The following DLGAP2 variants were observed in gnomAD, a reference collection of about 807,000 sequenced individuals.
The protein encoded by DLGAP2 is disks large-associated protein 2.
DLGAP2 carries 26 observed loss-of-function variants against 100.3 expected under a neutral mutation model. The ratio of observed to expected loss-of-function variants is 0.26; its 90% CI spans 0.19 to 0.36. DLGAP2 has a LOEUF of 0.36. DLGAP2 is among the 10% of genes least tolerant of loss of function. DLGAP2 has a pLI of 1.00. For synonymous variants in DLGAP2, 886 were observed against 630.1 expected (o/e 1.41, Z -6.08); for missense variants, 1,858 against 1,453.2 (o/e 1.28, Z -4.53).
chr8:1,276,219 G>T (rs971713302), intron 3 of DLGAP2, among the ~76,000 whole-genome samples: 9 of 149,512 alleles, frequency 6.0e-5, no homozygotes, highest in African/African-American at 2.2e-4. Flanking sequence ...CTCCCCCCCC[G>T]ACCCTAGCTC....
chr8:1,178,401 C>G (rs1203961440), intron 2 of DLGAP2, among the ~76,000 whole-genome samples: 3 of 152,206 alleles, frequency 2.0e-5, no homozygotes, highest in African/African-American at 7.2e-5. Context: ...CTAAGGCTTC[C>G]TTAATGGATT....
intron 2 of DLGAP2, among the ~76,000 whole-genome samples, chr8:1,200,634 G>A (rs1315162409): frequency 1.3e-5 from 2 of 152,182 alleles, no homozygotes; most frequent in African/African-American, 4.8e-5. Flanking sequence ...GCGCTGGACG[G>A]CAAACTGCAG....
At position 780,044 on chromosome 8, in the gene DLGAP2, A is replaced by C. The variant is rs141654672; in HGVS notation, c.18+42219A>C. 2.7e-3 allele frequency among the ~76,000 whole-genome samples: 410 copies of C among 152,264 alleles called. 3 individuals are homozygous for C. The highest frequency in any genetic ancestry group is 4.7e-3 in the Non-Finnish European group (320 of 68,014). ...AAAATTCTATTCTAGAGATTTTGAA[A>C]TGTTTGAATTATTATTAGCTGTGTT... On this transcript the variant is annotated intron_variant, in intron 1 of 14. Coordinates refer to ENST00000637795, the MANE Select transcript of DLGAP2 (RefSeq NM_001346810.2).
At chr8:1,042,322 G>A (rs1019101132) in intron 2 of DLGAP2, among the ~76,000 whole-genome samples, 8 of 152,190 alleles carry the variant, frequency 5.3e-5, no homozygotes, top group Non-Finnish European at 8.8e-5. Context: ...AATCAACAAC[G>A]TGCCTAGTAC....
chr8:1,702,306 T>G lies in DLGAP2; in HGVS notation c.*900T>G, dbSNP rs1257932332. ...TACGCTACATGTGATTTTTTTAATG[T>G]ATGTATATATATATATTCTCAAATT... On this transcript the variant is annotated 3_prime_UTR_variant, in exon 15 of 15. Coordinates refer to ENST00000637795, the MANE Select transcript of DLGAP2 (RefSeq NM_001346810.2). The G allele has an allele frequency of 6.6e-6, 1 of 152,184 alleles. No homozygotes were observed. Among genetic ancestry groups the G allele is most frequent in the Admixed American group, 6.6e-5 (1 of 15,260 alleles). The allele number at this position is 152,184 out of a possible 1,614,324, so 9.4% of individuals were successfully genotyped here.
chr8:1,673,220 C>T (rs938236317), intron 10 of DLGAP2, among the ~76,000 whole-genome samples: 1 of 152,196 alleles, frequency 6.6e-6, no homozygotes, highest in African/African-American at 2.4e-5. Flanking sequence ...GATCCTACCC[C>T]CTCAGCCTTG....
chr8:1,526,862 C>T (rs1563202147), intron 4 of DLGAP2, among the ~76,000 whole-genome samples: 1 of 152,186 alleles, frequency 6.6e-6, no homozygotes, highest in Admixed American at 6.5e-5. Context: ...CTGGGCAGCC[C>T]TCCTGCAGCA....
At chr8:756,271 G>T (rs76667227) in intron 1 of DLGAP2, among the ~76,000 whole-genome samples, 327 of 152,170 alleles carry the variant, frequency 2.1e-3, no homozygotes, top group Non-Finnish European at 4.0e-3. Context: ...TTTAGCAAGT[G>T]GGCCAGGCAT....
intron 3 of DLGAP2, among the ~76,000 whole-genome samples, chr8:1,460,734 C>G (rs549691603): frequency 3.9e-5 from 6 of 152,288 alleles, no homozygotes; most frequent in Admixed American, 3.3e-4. Flanking sequence ...GGCACAGTCT[C>G]TTTGGAGACT....
intron 1 of DLGAP2, among the ~76,000 whole-genome samples, chr8:894,416 G>C (rs989715674): frequency 6.6e-6 from 1 of 152,060 alleles, no homozygotes; most frequent in Admixed American, 6.5e-5. Context: ...AGAGAATGTG[G>C]CATGTACACA....
intron 2 of DLGAP2, among the ~76,000 whole-genome samples, chr8:1,240,399 C>T (rs1349976811): frequency 6.8e-6 from 1 of 147,650 alleles, no homozygotes; most frequent in Non-Finnish European, 1.5e-5. Flanking sequence ...TCACATGGCA[C>T]CATGTCTAGT....
chr8:1,041,157 C>T (rs1026199295), intron 2 of DLGAP2, among the ~76,000 whole-genome samples: 3 of 152,126 alleles, frequency 2.0e-5, no homozygotes, highest in African/African-American at 7.2e-5. Flanking sequence ...TAAATATAAT[C>T]TGTAATAGCA....
intron 1 of DLGAP2, among the ~76,000 whole-genome samples, chr8:888,909 A>G (rs1184160028): frequency 6.6e-6 from 1 of 152,142 alleles, no homozygotes; most frequent in Non-Finnish European, 1.5e-5. Flanking sequence ...ACCACCAAAC[A>G]GGTTTTGTGT....
chr8:1,440,565 G>T (rs1797800989), intron 3 of DLGAP2, among the ~76,000 whole-genome samples: 1 of 152,216 alleles, frequency 6.6e-6, no homozygotes, highest in Admixed American at 6.5e-5. Context: ...CATTTGCTAT[G>T]ACACAAATCT....
intron 6 of DLGAP2, among the ~76,000 whole-genome samples, chr8:1,626,183 A>G (rs146006736): frequency 0.019 from 956 of 50,952 alleles, 77 homozygotes; most frequent in African/African-American, 0.11. Context: ...TCCCATCTCT[A>G]CCCTGTGGCG....
At chr8:1,651,473 T>C (rs1798162136) in intron 8 of DLGAP2, among the ~76,000 whole-genome samples, 1 of 152,204 alleles carries the variant, frequency 6.6e-6, no homozygotes, top group South Asian at 2.1e-4. Context: ...TGGAAGTTCC[T>C]GGCATACAAC....
Position 1,151,257 on chromosome 8 carries a change from A to G in DLGAP2, c.74-107594A>G, listed in dbSNP as rs1483790560. On this transcript the variant is annotated intron_variant, in intron 2 of 14. Transcript: ENST00000637795. ...AACTGACAAAAGATAGATTCATAGG[A>G]GAAAAGTCATACACATTTTGCTTGA... Among the ~76,000 whole-genome samples, 5 of 152,328 alleles carry G rather than the reference A, an allele frequency of 3.3e-5. No homozygotes were observed. In the East Asian group the frequency reaches 9.6e-4, roughly 29 times the overall value.
chr8:1,354,075 G>T (rs1462645259), intron 3 of DLGAP2, among the ~76,000 whole-genome samples: 2 of 152,136 alleles, frequency 1.3e-5, no homozygotes, highest in African/African-American at 2.4e-5. Flanking sequence ...GGGCAATGTT[G>T]TATCAGAAGC....
chr8:1,543,013 T>C (rs1363314843), intron 4 of DLGAP2, among the ~76,000 whole-genome samples: 1 of 152,186 alleles, frequency 6.6e-6, no homozygotes, highest in East Asian at 1.9e-4. Flanking sequence ...ACATCTTCTT[T>C]GGAGAAATAT....
Sources: allele counts gnomAD v4.1 joint callset (sites outside exome capture counted in the v4.1 genomes callset), GRCh38; gene constraint gnomAD v4.1.1; transcripts MANE v1.5; gene names NCBI Gene and HGNC (gene_info 2026-07-23, HGNC 2026-07-21).